KCNC4: variants seen among roughly 807,000 people sequenced by gnomAD.
KCNC4 encodes voltage-gated potassium channel KCNC4.
In KCNC4, 23 loss-of-function variants were observed where a neutral mutation model predicts 42.8. The observed-to-expected ratio is 0.54, with a 90% confidence interval of 0.39 to 0.76. KCNC4 has a LOEUF of 0.76. KCNC4 is among the 30% of genes least tolerant of loss of function. The pLI is 0.00. For synonymous variants in KCNC4, 422 were observed against 393.5 expected (o/e 1.07, Z -0.86); for missense variants, 751 against 898.2 (o/e 0.84, Z 2.10).
chr1:110,261,010 C>T (rs1659415677), intron 1 of KCNC4, among the ~76,000 whole-genome samples: 1 of 152,132 alleles, frequency 6.6e-6, no homozygotes, highest in Non-Finnish European at 1.5e-5. Context: ...GGATATTGTC[C>T]TAAGAGTTTT....
chr1:110,226,432 T>C, intron 3 of KCNC4: 1 of 530,390 alleles, frequency 1.9e-6, no homozygotes, highest in South Asian at 2.0e-5. Context: ...GGGTAAAGGG[T>C]GCACAAGGCC....
chr1:110,229,540 CAA>C (rs1658590755), intron 3 of KCNC4, among the ~76,000 whole-genome samples: 1 of 152,224 alleles, frequency 6.6e-6, no homozygotes, highest in Non-Finnish European at 1.5e-5. Flanking sequence ...CCCTCTCCCT[CAA>C]ACTCCCAGCC....
intron 1 of KCNC4, among the ~76,000 whole-genome samples, chr1:110,263,875 T>A (rs2101078544): frequency 6.6e-6 from 1 of 152,020 alleles, no homozygotes; most frequent in East Asian, 1.9e-4. Flanking sequence ...TTCTCAAGCA[T>A]CTCTACCTCT....
rs1424685934 is a variant in KCNC4, at chr1:110,226,046, G to A, written c.1687G>A (p.Ala563Thr). The A allele has an allele frequency of 1.2e-6, 2 of 1,613,918 alleles. No individual in the cohort carries two copies. The highest frequency in any genetic ancestry group is 4.5e-5 in the East Asian group (2 of 44,862). Residue 563 changes from alanine to threonine, a missense_variant, in exon 3 of 4, where the codon GCC becomes ACC. Ala to Thr is a moderately conservative substitution (Grantham distance 58). Transcript: ENST00000438661. Reference sequence around the variant, plus strand: ...GGGAGCTGGCCTCACCCAACCCCTGGCCTCCTCCCCGACCCCCGAGGAGCG... The same window carrying A: ...GGGAGCTGGCCTCACCCAACCCCTGACCTCCTCCCCGACCCCCGAGGAGCG... ...EEGAGLTQPL[A>T]SSPTPEERRA...
At chr1:110,235,614 G>A (rs1480019780), downstream of KCNC4, 2 of 152,248 alleles carry the variant, frequency 1.3e-5, no homozygotes, top group Admixed American at 6.5e-5. Context: ...TGGAAGAGGA[G>A]GGGGCAGTGT....
chr1:110,263,129 G>T (rs191291925), intron 1 of KCNC4, among the ~76,000 whole-genome samples: 2 of 152,312 alleles, frequency 1.3e-5, no homozygotes, highest in African/African-American at 2.4e-5. Context: ...CTGCCTGGTG[G>T]CAAAGGGAAC....
intron 1 of KCNC4, among the ~76,000 whole-genome samples, chr1:110,274,733 T>C (rs1659688320): frequency 6.6e-6 from 1 of 152,286 alleles, no homozygotes; most frequent in Admixed American, 6.5e-5. Context: ...AACTGATCTT[T>C]GAAAATGTCA....
rs774629438 is a variant in KCNC4, at chr1:110,223,081, A to G, written c.796A>G (p.Ile266Val). 7.4e-6 allele frequency: 12 copies of G among 1,614,178 alleles called. No individual in the cohort carries two copies. The highest frequency in any genetic ancestry group is 1.0e-5 in the Non-Finnish European group (12 of 1,180,014). ...NVTEILRVGN[I>V]TSVHFRREVE... ...GACAGAGATCCTCCGCGTAGGGAAC[A>G]TCACCAGCGTGCACTTCCGGCGGGA... The change falls in exon 2 of 4, where the codon ATC becomes GTC. Residue 266 changes from isoleucine (I) to valine (V), a missense_variant. Transcript: ENST00000438661. This position sits in a 1 kb window ranked among gnomAD's most constrained non-coding sequence, Gnocchi z 7.5.
chr1:110,254,101 CG>C (rs1491044235), downstream of KCNC4, among the ~76,000 whole-genome samples: 2 of 115,416 alleles, frequency 1.7e-5, no homozygotes, highest in Non-Finnish European at 1.8e-5. Flanking sequence ...GGGGGGGGGG[CG>C]GCGTTTCTGT....
downstream of KCNC4, among the ~76,000 whole-genome samples, chr1:110,250,838 G>A (rs1659238405): frequency 6.6e-6 from 1 of 152,166 alleles, no homozygotes; most frequent in Admixed American, 6.5e-5. Flanking sequence ...CTGGGGTAGG[G>A]GAGGCTAGGC....
chr1:110,229,815 G>C (rs919240902), intron 3 of KCNC4, among the ~76,000 whole-genome samples: 2 of 152,210 alleles, frequency 1.3e-5, no homozygotes, highest in East Asian at 3.9e-4. Context: ...TGAGGAACAA[G>C]GTTGCCTCAG....
chr1:110,218,599 G>A (rs894863827), intron 1 of KCNC4, among the ~76,000 whole-genome samples: 3 of 152,104 alleles, frequency 2.0e-5, no homozygotes, highest in Non-Finnish European at 4.4e-5. Context: ...CCGGGGCAAG[G>A]GTGGTTGTCT....
intron 3 of KCNC4, chr1:110,232,667 C>G: frequency 2.7e-6 from 4 of 1,464,936 alleles, no homozygotes; most frequent in Non-Finnish European, 3.6e-6. Context: ...AGGGTTCACC[C>G]CATTCCCTGA....
At chr1:110,238,067 C>T (rs2101051290), downstream of KCNC4, 1 of 152,372 alleles carries the variant, frequency 6.6e-6, no homozygotes, top group East Asian at 1.9e-4. Flanking sequence ...AAGGCTGTCT[C>T]CGACCCAGCT....
exon 4 of KCNC4, chr1:110,241,889 A>G (rs1659041236): frequency 2.6e-5 from 4 of 152,212 alleles, no homozygotes; most frequent in African/African-American, 9.7e-5. Context: ...TTTCCTTATT[A>G]ATGTTTTTAC....
chr1:110,215,236 G>C (rs948992904), intron 1 of KCNC4, among the ~76,000 whole-genome samples: 2 of 152,228 alleles, frequency 1.3e-5, no homozygotes, highest in African/African-American at 4.8e-5. Context: ...GCTCAGGCAG[G>C]CTCCTGGACT....
chr1:110,223,525 G>T lies in KCNC4; in HGVS notation c.1240G>T (p.Gly414Cys). 6.2e-7 allele frequency: 1 copy of T among 1,613,876 alleles called. No individual in the cohort carries two copies. Among genetic ancestry groups the T allele is most frequent in the East Asian group, 2.2e-5 (1 of 44,878 alleles). ...TGGGGCCAGGCCCTCCGACCCTCGG[G>T]GTAATGACCACACCGACTTCAAGAA... Reference protein sequence around the residue: ...RIGARPSDPRGNDHTDFKNIP... With the variant: ...RIGARPSDPRCNDHTDFKNIP... The change falls in exon 2 of 4, where the codon GGT (glycine) becomes TGT (cysteine). Residue 414 changes from glycine (G) to cysteine (C), a missense_variant. Gly to Cys is a radical substitution (Grantham distance 159). Coordinates refer to ENST00000438661, the MANE Select transcript of KCNC4 (RefSeq NM_001039574.3). This position sits in a 1 kb window ranked among gnomAD's most constrained non-coding sequence, Gnocchi z 7.5.
chr1:110,260,586 GTTCT>G (rs1659406791), intron 1 of KCNC4, among the ~76,000 whole-genome samples: 1 of 152,150 alleles, frequency 6.6e-6, no homozygotes, highest in South Asian at 2.1e-4. Context: ...TTCTTTATAA[GTTCT>G]TTGTTAGCCA....
Position 110,244,882 on chromosome 1 carries a change from C to G in KCNC4, c.*12573C>G, listed in dbSNP as rs960245643. ...GCTTAACTTGGCTGAGCTTCAGTTCCCCGTTTGCAAAATTGGGGATAATAC... is the reference window on the plus strand; with the variant it reads ...GCTTAACTTGGCTGAGCTTCAGTTCGCCGTTTGCAAAATTGGGGATAATAC... On this transcript the variant is annotated 3_prime_UTR_variant, in exon 4 of 4. Transcript: ENST00000369787. 2.0e-5 allele frequency: 3 copies of G among 152,210 alleles called. No homozygotes were observed. In the East Asian group the frequency reaches 5.8e-4, roughly 29 times the overall value. 9.4% of individuals were successfully genotyped at this position (152,210 alleles called of 1,614,324 possible). A position where few individuals can be genotyped will look rare whatever the true frequency, so the allele number is the denominator to read the frequency against.
Sources: allele counts gnomAD v4.1 joint callset (sites outside exome capture counted in the v4.1 genomes callset), GRCh38; gene constraint gnomAD v4.1.1; non-coding constraint Gnocchi (gnomAD v3.1); transcripts MANE v1.5; gene names NCBI Gene and HGNC (gene_info 2026-07-23, HGNC 2026-07-21).